Variants in SH3BP4 observed in about 807,000 individuals in gnomAD.
The protein encoded by SH3BP4 is SH3 domain binding protein 4, also known as SH3 domain-binding protein 4.
Under a neutral mutation model 65.5 loss-of-function variants are expected in SH3BP4, and 33 were observed. The ratio of observed to expected loss-of-function variants is 0.50; its 90% CI spans 0.38 to 0.67. The LOEUF is 0.67. Ranked by LOEUF, SH3BP4 falls within the 30% of genes least tolerant of loss-of-function variation. The probability of loss-of-function intolerance (pLI) is 0.00; values close to 1 mark genes in which losing one functional copy is unlikely to be tolerated. For synonymous variants in SH3BP4, 552 were observed against 545.5 expected (o/e 1.01, Z -0.17); for missense variants, 1,134 against 1,261.4 (o/e 0.90, Z 1.53).
intron 2 of SH3BP4, among the ~76,000 whole-genome samples, chr2:234,999,909 A>G (rs902307950): frequency 6.6e-6 from 1 of 152,246 alleles, no homozygotes; most frequent in African/African-American, 2.4e-5. Flanking sequence ...AGTGGCTGCC[A>G]GTCAATGCGC....
rs1023145955 is a variant in SH3BP4, at chr2:235,052,334, T to C, written c.2479-228T>C. ...CACGTTCTGAGGTTCTGGGTGGATGTGGGCTTTGGAGGGAGACACTGGTGA... is the reference window on the plus strand; with the variant it reads ...CACGTTCTGAGGTTCTGGGTGGATGCGGGCTTTGGAGGGAGACACTGGTGA... On this transcript the variant is annotated intron_variant, in intron 4 of 5. Coordinates refer to ENST00000392011, the MANE Select transcript of SH3BP4 (RefSeq NM_014521.3). This position sits in a 1 kb window ranked among gnomAD's most constrained non-coding sequence, Gnocchi z 5.0. Among the ~76,000 whole-genome samples, 3 of 152,196 alleles carry C rather than the reference T, an allele frequency of 2.0e-5. No homozygotes were observed. Among genetic ancestry groups the C allele is most frequent in the Non-Finnish European group, 4.4e-5 (3 of 68,026 alleles).
chr2:234,979,256 C>T (rs1410238798), intron 1 of SH3BP4, among the ~76,000 whole-genome samples: 1 of 152,334 alleles, frequency 6.6e-6, no homozygotes, highest in Admixed American at 6.5e-5. Flanking sequence ...CTTTGCCCCT[C>T]CCAATCCCAG....
rs1323728855 is a variant in SH3BP4, at chr2:235,034,921, G to A, written c.-82G>A. ...CCGCCGCGCAGCGTGTTTGCTTGAGGCAGAAGCTTCAGCATCTGCTGGGAT... is the reference window on the plus strand; with the variant it reads ...CCGCCGCGCAGCGTGTTTGCTTGAGACAGAAGCTTCAGCATCTGCTGGGAT... On this transcript the variant is annotated 5_prime_UTR_variant, in exon 3 of 6. Coordinates refer to ENST00000392011, the MANE Select transcript of SH3BP4 (RefSeq NM_014521.3). The surrounding 1 kb of genome is among the most constrained non-coding windows in gnomAD (Gnocchi z 6.2). 2.5e-6 allele frequency: 3 copies of A among 1,218,762 alleles called. No individual in the cohort carries two copies. The highest frequency in any genetic ancestry group is 1.2e-5 in the South Asian group (1 of 81,924). The allele number at this position is 1,218,762 out of a possible 1,614,324, so 75.5% of individuals were successfully genotyped here.
intron 2 of SH3BP4, among the ~76,000 whole-genome samples, chr2:235,028,107 C>T (rs762741068): frequency 1.8e-4 from 28 of 152,234 alleles, no homozygotes; most frequent in Non-Finnish European, 2.1e-4. Context: ...CCTCTTTTGT[C>T]TCTGGATGAA....
rs1243863178 is a variant in SH3BP4, at chr2:235,054,400, G to T, written c.*584G>T. 1 of 152,740 alleles carries T rather than the reference G, an allele frequency of 6.5e-6. No individual in the cohort carries two copies. The highest frequency in any genetic ancestry group is 2.4e-5 in the African/African-American group (1 of 41,398). The allele number at this position is 152,740 out of a possible 1,614,324, so 9.5% of individuals were successfully genotyped here. A position where few individuals can be genotyped will look rare whatever the true frequency, so the allele number is the denominator to read the frequency against. The stretch of plus-strand genomic sequence containing the variant: ...GGTACAGCTCATTCTTTCTGAGAAG[G>T]CCCCAGGTCCTGCTCCCTCCTCGGA... On this transcript the variant is annotated 3_prime_UTR_variant, in exon 6 of 6. Coordinates refer to ENST00000392011, the MANE Select transcript of SH3BP4 (RefSeq NM_014521.3).
chr2:234,993,545 C>T (rs913414772), intron 1 of SH3BP4, among the ~76,000 whole-genome samples: 9 of 152,148 alleles, frequency 5.9e-5, no homozygotes, highest in Admixed American at 1.3e-4. Flanking sequence ...GGGAAATGCA[C>T]GCTCACGGTA....
chr2:234,970,011 A>T (rs1010514026), intron 1 of SH3BP4, among the ~76,000 whole-genome samples: 21 of 151,530 alleles, frequency 1.4e-4, no homozygotes, highest in Non-Finnish European at 2.7e-4. Context: ...GCTGTCTCAC[A>T]CACACACACT....
At chr2:235,011,267 T>C (rs1694495946) in intron 2 of SH3BP4, among the ~76,000 whole-genome samples, 1 of 151,384 alleles carries the variant, frequency 6.6e-6, no homozygotes, top group South Asian at 2.1e-4. Flanking sequence ...TGGTGGTTTT[T>C]GGCAGTCTTC....
rs1378072978 is a variant in SH3BP4 at position 235,052,122 on chromosome 2, C to T, written c.2479-440C>T. Among the ~76,000 whole-genome samples, 2 of 152,174 alleles carry T rather than the reference C, an allele frequency of 1.3e-5. No individual in the cohort carries two copies. The highest frequency in any genetic ancestry group is 2.4e-5 in the African/African-American group (1 of 41,446). On this transcript the variant is annotated intron_variant, in intron 4 of 5. Transcript: ENST00000392011. The surrounding 1 kb of genome is among the most constrained non-coding windows in gnomAD (Gnocchi z 5.0). ...TCTCCTAAGCCCCACTGGCTCAACC[C>T]TCCTTCTTTTCCTTGGCTTGTTGCC...
chr2:235,029,663 A>C (rs1695115037), intron 2 of SH3BP4, among the ~76,000 whole-genome samples: 1 of 152,268 alleles, frequency 6.6e-6, no homozygotes, highest in Admixed American at 6.5e-5. Context: ...CAAGTACATA[A>C]TTTTAGGAAA....
intron 1 of SH3BP4, among the ~76,000 whole-genome samples, chr2:234,984,521 A>T (rs1380339127): frequency 6.6e-6 from 1 of 152,168 alleles, no homozygotes; most frequent in Non-Finnish European, 1.5e-5. Flanking sequence ...TTTCAGTGTA[A>T]AAATGTCAGA....
intron 2 of SH3BP4, among the ~76,000 whole-genome samples, chr2:235,009,440 G>T (rs1354878842): frequency 6.6e-6 from 1 of 152,234 alleles, no homozygotes; most frequent in East Asian, 1.9e-4. Context: ...GGTGTGGTGT[G>T]CCTGGGACCC....
At chr2:234,992,129 G>A (rs1370651992) in intron 1 of SH3BP4, among the ~76,000 whole-genome samples, 1 of 152,242 alleles carries the variant, frequency 6.6e-6, no homozygotes, top group Non-Finnish European at 1.5e-5. Flanking sequence ...CCACAGTGAC[G>A]GAGGGTGTTG....
At chr2:234,994,514 G>C (rs1574801817) in intron 1 of SH3BP4, 1 of 152,094 alleles carries the variant, frequency 6.6e-6, no homozygotes, top group South Asian at 2.1e-4. Flanking sequence ...GGGCGTCGTG[G>C]TGGCACCTGC....
rs762784758 is a variant in SH3BP4, at chr2:235,041,967, G to A, written c.1198G>A (p.Glu400Lys). Reference sequence around the variant, plus strand: ...CATCTTGGAGATGAAAGTGTCAGCCGAGATAAAAAATGACCTTTTTAGCAA... The same window carrying A: ...CATCTTGGAGATGAAAGTGTCAGCCAAGATAAAAAATGACCTTTTTAGCAA... The part of the protein sequence containing the change: ...SIILEMKVSA[E>K]IKNDLFSKST... The change falls in exon 4 of 6, where the codon GAG (glutamate) becomes AAG (lysine). Residue 400 changes from glutamate to lysine, a missense_variant. By Grantham distance (56) the Glu-to-Lys change is moderately conservative (BLOSUM62 1). Transcript: ENST00000392011. The surrounding 1 kb of genome is among the most constrained non-coding windows in gnomAD (Gnocchi z 6.0). 21 of 1,613,322 alleles carry A rather than the reference G, an allele frequency of 1.3e-5. No homozygotes were observed. The highest frequency in any genetic ancestry group is 1.6e-4 in the Middle Eastern group (1 of 6,082).
intron 1 of SH3BP4, among the ~76,000 whole-genome samples, chr2:234,962,244 C>G (rs181375483): frequency 6.6e-6 from 1 of 152,096 alleles, no homozygotes; most frequent in African/African-American, 2.4e-5. Context: ...TCAAGTGATT[C>G]TTGTGCCTCA....
chr2:234,973,618 G>A (rs2106249299), intron 1 of SH3BP4, among the ~76,000 whole-genome samples: 1 of 151,722 alleles, frequency 6.6e-6, no homozygotes, highest in Non-Finnish European at 1.5e-5. Context: ...TAATTCAGCT[G>A]TAGGCTCCCA....
chr2:234,985,422 C>T (rs1270213826), intron 1 of SH3BP4, among the ~76,000 whole-genome samples: 1 of 152,196 alleles, frequency 6.6e-6, no homozygotes, highest in Non-Finnish European at 1.5e-5. Flanking sequence ...AAACGCATCT[C>T]ACCTGCATAC....
In SH3BP4 at chr2:234,976,075, C is replaced by T. The variant is rs1693159267; in HGVS notation, c.-206-19228C>T. Among the ~76,000 whole-genome samples, 2 of 152,094 alleles carry T rather than the reference C, an allele frequency of 1.3e-5. No homozygotes were observed. The highest frequency in any genetic ancestry group is 6.5e-5 in the Admixed American group (1 of 15,270). ...GACCCCAGAACACGGGAGTCTGTGC[C>T]GAGTTTGGCACCAGGGATGATGTGT... On this transcript the variant is annotated intron_variant, in intron 1 of 5. Coordinates refer to ENST00000392011, the MANE Select transcript of SH3BP4 (RefSeq NM_014521.3). The surrounding 1 kb of genome is among the most constrained non-coding windows in gnomAD (Gnocchi z 4.7).
Sources: gnomAD v4.1 joint callset for allele counts (sites outside exome capture counted in the v4.1 genomes callset) on GRCh38, gnomAD v4.1.1 for gene constraint, Gnocchi (gnomAD v3.1) non-coding constraint, MANE v1.5 for transcripts, NCBI Gene and HGNC (gene_info 2026-07-23, HGNC 2026-07-21) for gene names.